Variants in TTC3 observed in about 807,000 individuals in gnomAD.
TTC3 encodes the protein E3 ubiquitin-protein ligase TTC3.
A neutral mutation model predicts 249.6 loss-of-function variants in TTC3; 180 were observed. That is an observed-to-expected ratio of 0.72 (90% CI 0.64 to 0.82). The LOEUF is 0.82. Among genes scored for constraint, TTC3 ranks in the 40% least tolerant of loss-of-function variants. TTC3 has a pLI of 0.00. For missense variants in TTC3, 2,061 were observed against 2,398.4 expected (o/e 0.86, Z 2.94); for synonymous variants, 717 against 805.0 (o/e 0.89, Z 1.85).
At chr21:37,110,193 A>G (rs1467193632) in intron 11 of TTC3, among the ~76,000 whole-genome samples, 1 of 152,280 alleles carries the variant, frequency 6.6e-6, no homozygotes, top group Admixed American at 6.5e-5. Context: ...CAGCAATGGA[A>G]CAAAGCTGGA....
At chr21:37,135,490 C>A in exon 18 of TTC3, 1 of 1,613,280 alleles carries the variant, frequency 6.2e-7, no homozygotes, top group Non-Finnish European at 8.5e-7. Context: ...AGTTGCTGAA[C>A]GGTTTAGATC....
chr21:37,119,547 G>A (rs1250198429), intron 11 of TTC3, among the ~76,000 whole-genome samples: 2 of 152,112 alleles, frequency 1.3e-5, no homozygotes, highest in African/African-American at 2.4e-5. Context: ...TCTGCTCTGT[G>A]AACTCAGCTG....
intron 14 of TTC3, among the ~76,000 whole-genome samples, chr21:37,125,179 ACT>A (rs1314498068): frequency 6.6e-6 from 1 of 152,126 alleles, no homozygotes; most frequent in African/African-American, 2.4e-5. Flanking sequence ...GTCTGTAAAC[ACT>A]CACCTCAGCC....
intron 37 of TTC3, among the ~76,000 whole-genome samples, chr21:37,186,823 C>T (rs570378568): frequency 1.3e-5 from 2 of 152,284 alleles, no homozygotes; most frequent in South Asian, 4.1e-4. Context: ...AGCATGCCCA[C>T]CTAATGTGCA....
chr21:37,162,037 GATC>G lies in TTC3; in HGVS notation c.3149_3151del (p.Ile1050del), dbSNP rs747021177. The G allele has an allele frequency of 1.5e-5, 24 of 1,586,708 alleles. No individual in the cohort carries two copies. In the African/African-American group the frequency reaches 2.5e-4, roughly 17 times the overall value. ...CAACTTCAGTAACTTCAAATAATGA[GATC>G]ATCACTTCAAGTGAAGACCATAGGT... On this transcript the variant is annotated inframe_deletion, in exon 31 of 46. Transcript: ENST00000355666.
chr21:37,171,261 G>A (rs1241081853), intron 34 of TTC3, among the ~76,000 whole-genome samples: 1 of 152,134 alleles, frequency 6.6e-6, no homozygotes, highest in African/African-American at 2.4e-5. Flanking sequence ...TATCAGTGAT[G>A]GGAATGTTCA....
chr21:37,132,825 C>T, intron 17 of TTC3, 59 bp downstream of exon 17: 5 of 1,321,482 alleles, frequency 3.8e-6, no homozygotes, highest in East Asian at 4.8e-5. Context: ...ACATTGTTCA[C>T]ATGAATAAGG....
At chr21:37,076,720 T>TTTTTTTTTA (rs2070924163) in intron 1 of TTC3, among the ~76,000 whole-genome samples, 1 of 144,636 alleles carries the variant, frequency 6.9e-6, no homozygotes, top group Non-Finnish European at 1.5e-5. Context: ...TTTTTTTTTT[T>TTTTTTTTTA]GAGTGAAGTT....
In TTC3 at chr21:37,168,366, T is replaced by C. The variant is rs73905412; in HGVS notation, c.4467+746T>C. ...TATCATTATTTACAGAGGCTAGGGCTGTGTACCAGGAAAATCCAAAATGAT... is the reference window on the plus strand; with the variant it reads ...TATCATTATTTACAGAGGCTAGGGCCGTGTACCAGGAAAATCCAAAATGAT... On this transcript the variant is annotated intron_variant, in intron 34 of 45. Coordinates refer to ENST00000355666, the Ensembl canonical transcript of TTC3. 6.6e-3 allele frequency among the ~76,000 whole-genome samples: 1,006 copies of C among 152,266 alleles called. 11 individuals are homozygous for C. Among genetic ancestry groups the C allele is most frequent in the African/African-American group, 0.023 (937 of 41,572 alleles).
At chr21:37,147,638 C>G (rs1470567534) in intron 22 of TTC3, 35 bp downstream of exon 22, 2 of 1,558,596 alleles carry the variant, frequency 1.3e-6, no homozygotes, top group Non-Finnish European at 8.6e-7. Flanking sequence ...CATTAACTTG[C>G]AAAATCATTT....
At position 37,122,417 on chromosome 21, in the gene TTC3, ATAATATATATATATATATATTATAT is replaced by A. The variant is rs1375060058; in HGVS notation, c.1063+439_1063+463del. On this transcript the variant is annotated intron_variant, in intron 12 of 45. Transcript: ENST00000355666. ...TGCAGCGTGCTGAATATATATATAT[ATAATATATATATATATATATTATAT>A]ATATATATATAATGTTTTTTATATA... is the stretch of plus-strand genomic sequence containing the variant. Among the ~76,000 whole-genome samples, 88 of 131,898 alleles carry A rather than the reference ATAATATATATATATATATATTATAT, an allele frequency of 6.7e-4. 1 individual carries two copies. The highest frequency in any genetic ancestry group is 1.2e-3 in the Non-Finnish European group (75 of 64,014). The allele number at this position is 131,898 out of a possible 152,430, so 86.5% of individuals were successfully genotyped here.
exon 10 of TTC3, chr21:37,096,635 A>G (rs773047906): frequency 3.1e-6 from 5 of 1,611,272 alleles, no homozygotes; most frequent in Admixed American, 1.7e-5. Flanking sequence ...TTCGTACTGG[A>G]CAGTTTAGGT....
At chr21:37,081,633 C>A (rs1295287203) in intron 1 of TTC3, 1 of 152,082 alleles carries the variant, frequency 6.6e-6, no homozygotes, top group African/African-American at 2.4e-5. Context: ...AGTCTCTTCT[C>A]TCCTGCTGGA....
intron 10 of TTC3, among the ~76,000 whole-genome samples, chr21:37,103,721 C>G (rs1037029384): frequency 4.6e-5 from 7 of 152,118 alleles, no homozygotes; most frequent in African/African-American, 1.7e-4. Context: ...GCAAAAACAG[C>G]CTCTGTGTTT....
At chr21:37,196,382 A>G (rs1042037499) in intron 42 of TTC3, among the ~76,000 whole-genome samples, 23 of 152,020 alleles carry the variant, frequency 1.5e-4, no homozygotes, top group African/African-American at 5.5e-4. Context: ...GATTATAGGC[A>G]TGCATGACTA....
intron 11 of TTC3, among the ~76,000 whole-genome samples, chr21:37,114,722 C>T (rs1264897765): frequency 2.0e-5 from 3 of 152,122 alleles, no homozygotes; most frequent in Non-Finnish European, 2.9e-5. Context: ...GCTATAAAGA[C>T]ACATGCACAC....
At chr21:37,192,434 G>A (rs2084265903) in intron 41 of TTC3, among the ~76,000 whole-genome samples, 1 of 150,574 alleles carries the variant, frequency 6.6e-6, no homozygotes, top group Non-Finnish European at 1.5e-5. Context: ...GGACTGAGAT[G>A]AATACACCAT....
At chr21:37,158,633 C>T (rs1471304491) in intron 28 of TTC3, among the ~76,000 whole-genome samples, 3 of 152,188 alleles carry the variant, frequency 2.0e-5, no homozygotes, top group African/African-American at 7.2e-5. Flanking sequence ...TAGGGTATTT[C>T]TGTGAGACAG....
intron 15 of TTC3, among the ~76,000 whole-genome samples, chr21:37,128,646 C>T (rs2077224497): frequency 6.6e-6 from 1 of 152,120 alleles, no homozygotes; most frequent in African/African-American, 2.4e-5. Context: ...AATAACAACA[C>T]AGTATTTTCT....
Sources: gnomAD v4.1 joint callset for allele counts (sites outside exome capture counted in the v4.1 genomes callset) on GRCh38, gnomAD v4.1.1 for gene constraint, MANE v1.5 for transcripts, NCBI Gene and HGNC (gene_info 2026-07-23, HGNC 2026-07-21) for gene names.